The following F13A1 variants were observed in gnomAD, a reference collection of about 807,000 sequenced individuals.
F13A1 encodes FSF, A subunit.
Under a neutral mutation model 80.1 loss-of-function variants are expected in F13A1, and 47 were observed. That is an observed-to-expected ratio of 0.59 (90% CI 0.46 to 0.75). The LOEUF (loss-of-function observed/expected upper bound fraction) is 0.75, where lower values mean the gene tolerates loss of function less well. Ranked by LOEUF, F13A1 falls within the 30% of genes least tolerant of loss-of-function variation. The pLI is 0.00. For missense variants in F13A1, 817 were observed against 930.4 expected (o/e 0.88, Z 1.59); for synonymous variants, 349 against 344.9 (o/e 1.01, Z -0.13).
At chr6:6,208,320 G>C (rs1224459852) in intron 8 of F13A1, among the ~76,000 whole-genome samples, 2 of 152,108 alleles carry the variant, frequency 1.3e-5, no homozygotes, top group African/African-American at 4.8e-5. Context: ...TTGAAGGTAG[G>C]CCAATTGAAA....
At chr6:6,288,263 A>T (rs577845072) in intron 3 of F13A1, among the ~76,000 whole-genome samples, 163 of 152,320 alleles carry the variant, frequency 1.1e-3, no homozygotes, top group Non-Finnish European at 1.9e-3. Flanking sequence ...TAGATCACTA[A>T]AACTTATTCT....
chr6:6,224,614 A>T lies in F13A1; in HGVS notation c.973+72T>A. On this transcript the variant is annotated intron_variant, in intron 7 of 14. Coordinates refer to ENST00000264870, the MANE Select transcript of F13A1 (RefSeq NM_000129.4). ...ACAGGGGCTGCTATGTCTCTTTGTT[A>T]GGTTATAGAAAAAATGTCTTAGAGT... 3 of 1,408,964 alleles carry T rather than the reference A, an allele frequency of 2.1e-6. 1 individual carries two copies. The East Asian group carries it at 6.8e-5, about 32-fold the overall frequency. 87.3% of individuals were successfully genotyped at this position (1,408,964 alleles called of 1,614,324 possible).
chr6:6,204,619 T>C (rs1032413557), intron 8 of F13A1, among the ~76,000 whole-genome samples: 1 of 152,036 alleles, frequency 6.6e-6, no homozygotes, highest in South Asian at 2.1e-4. Flanking sequence ...GTGGGAGTTG[T>C]TGGAAAGAAG....
intron 13 of F13A1, among the ~76,000 whole-genome samples, chr6:6,161,356 T>G (rs1760569609): frequency 6.6e-6 from 1 of 152,040 alleles, no homozygotes; most frequent in South Asian, 2.1e-4. Context: ...GAAAGAACAT[T>G]TACCAACAGC....
chr6:6,318,408 G>T (rs953552653), intron 2 of F13A1, 127 bp downstream of exon 2: 72 of 1,227,460 alleles, frequency 5.9e-5, no homozygotes, highest in Non-Finnish European at 8.0e-5. Flanking sequence ...TAAAACCAGA[G>T]ATTGGCAGGG....
intron 3 of F13A1, among the ~76,000 whole-genome samples, chr6:6,295,533 T>C (rs1758310918): frequency 6.8e-6 from 1 of 146,956 alleles, no homozygotes; most frequent in Admixed American, 6.7e-5. Context: ...TTTGGCTGCA[T>C]AAATGTCTTC....
chr6:6,274,494 T>G (rs1757961764), intron 3 of F13A1, among the ~76,000 whole-genome samples: 1 of 152,282 alleles, frequency 6.6e-6, no homozygotes, highest in African/African-American at 2.4e-5. Flanking sequence ...GGCAGGAATG[T>G]GAACATGAGG....
Position 6,250,779 on chromosome 6 carries a change from T to C in F13A1, c.690+32A>G, listed in dbSNP as rs540803216. On this transcript the variant is annotated intron_variant, in intron 5 of 14. Coordinates refer to ENST00000264870, the MANE Select transcript of F13A1 (RefSeq NM_000129.4). The surrounding 1 kb of genome is among the most constrained non-coding windows in gnomAD (Gnocchi z 4.2). ...TGACAAAAAATATGAAGTAAAAATG[T>C]CCTTGACAATAACAAATTTTAAGTG... 14 of 1,406,708 alleles carry C rather than the reference T, an allele frequency of 1.0e-5. No individual in the cohort carries two copies. The African/African-American group carries it at 2.0e-4, about 20-fold the overall frequency. The allele number at this position is 1,406,708 out of a possible 1,614,324, so 87.1% of individuals were successfully genotyped here.
At chr6:6,219,143 G>A (rs1353837801) in intron 8 of F13A1, among the ~76,000 whole-genome samples, 3 of 152,126 alleles carry the variant, frequency 2.0e-5, no homozygotes, top group Non-Finnish European at 4.4e-5. Flanking sequence ...AGGTTGAGGT[G>A]GGTGTGTTTG....
At chr6:6,299,395 G>A (rs1758385049) in intron 3 of F13A1, among the ~76,000 whole-genome samples, 1 of 131,862 alleles carries the variant, frequency 7.6e-6, no homozygotes, top group African/African-American at 3.7e-5. Flanking sequence ...CCAATCAGAC[G>A]TAGATTTGGT....
intron 13 of F13A1, among the ~76,000 whole-genome samples, chr6:6,160,455 A>G (rs1423281034): frequency 1.3e-5 from 2 of 151,776 alleles, no homozygotes; most frequent in East Asian, 3.9e-4. Flanking sequence ...TCCTGCCTCA[A>G]CTTCCTGAGT....
intron 8 of F13A1, among the ~76,000 whole-genome samples, chr6:6,213,902 T>C (rs9504710): frequency 0.27 from 23,056 of 86,026 alleles, 90 homozygotes; most frequent in Middle Eastern, 0.36. Flanking sequence ...AAACAGACTT[T>C]AAACCAACAA....
chr6:6,308,606 C>CTTTTTTTTTTTTTTTTTTTTTTTTTTTT (rs770570204), intron 2 of F13A1, among the ~76,000 whole-genome samples: 2 of 88,850 alleles, frequency 2.3e-5, no homozygotes, highest in African/African-American at 4.5e-5. Context: ...AAAACACATT[C>CTTTTTTTTTTTTTTTTTTTTTTTTTTTT]TTTTTTTTTT....
chr6:6,263,722 CCA>C (rs1211175107), intron 4 of F13A1, among the ~76,000 whole-genome samples: 1 of 152,234 alleles, frequency 6.6e-6, no homozygotes, highest in Admixed American at 6.5e-5. Flanking sequence ...CCTCCACTTC[CCA>C]CAGTTTTCCC....
At chr6:6,197,149 CAT>C in intron 9 of F13A1, 72 bp downstream of exon 9, 1 of 1,439,106 alleles carries the variant, frequency 6.9e-7, no homozygotes, top group Non-Finnish European at 9.7e-7. Flanking sequence ...GGTTCCCACA[CAT>C]CAAATGCAAG....
intron 11 of F13A1, 125 bp downstream of exon 11, chr6:6,181,863 C>A (rs996038707): frequency 5.8e-6 from 6 of 1,037,900 alleles, no homozygotes; most frequent in Non-Finnish European, 8.9e-6. Flanking sequence ...AAAGTTTATA[C>A]TTCTGCTGTT....
intron 13 of F13A1, among the ~76,000 whole-genome samples, chr6:6,154,934 C>T (rs1474824386): frequency 6.6e-6 from 1 of 152,116 alleles, no homozygotes; most frequent in Non-Finnish European, 1.5e-5. Flanking sequence ...ATTTTGGAGC[C>T]ATCTGTCTTC....
intron 4 of F13A1, among the ~76,000 whole-genome samples, chr6:6,255,399 C>T (rs142034386): frequency 6.6e-6 from 1 of 152,194 alleles, no homozygotes; most frequent in Non-Finnish European, 1.5e-5. Flanking sequence ...ATAACTTTTC[C>T]AAGGTCATGC....
chr6:6,163,220 G>A (rs1193230799), intron 13 of F13A1, among the ~76,000 whole-genome samples: 1 of 152,164 alleles, frequency 6.6e-6, no homozygotes, highest in African/African-American at 2.4e-5. Context: ...GTTGAAAAAG[G>A]GTGTGAGCGT....
Sources: gnomAD v4.1 joint callset for allele counts (sites outside exome capture counted in the v4.1 genomes callset) on GRCh38, gnomAD v4.1.1 for gene constraint, Gnocchi (gnomAD v3.1) non-coding constraint, MANE v1.5 for transcripts, NCBI Gene and HGNC (gene_info 2026-07-23, HGNC 2026-07-21) for gene names.